The following ITGA4 variants were observed in gnomAD, a reference collection of about 807,000 sequenced individuals.
The protein encoded by ITGA4 is integrin alpha-4.
A neutral mutation model predicts 133.6 loss-of-function variants in ITGA4; 63 were observed. That is an observed-to-expected ratio of 0.47 (90% CI 0.38 to 0.58). The LOEUF (loss-of-function observed/expected upper bound fraction) is 0.58, where lower values mean the gene tolerates loss of function less well. ITGA4 is among the 20% of genes least tolerant of loss of function. The probability of loss-of-function intolerance (pLI) is 0.00; values close to 1 mark genes in which losing one functional copy is unlikely to be tolerated. For missense variants in ITGA4, 1,076 were observed against 1,252.7 expected (o/e 0.86, Z 2.13); for synonymous variants, 483 against 438.0 (o/e 1.10, Z -1.28).
intron 2 of ITGA4, among the ~76,000 whole-genome samples, chr2:181,472,455 C>A (rs1685578077): frequency 6.6e-6 from 1 of 152,144 alleles, no homozygotes; most frequent in Admixed American, 6.5e-5. Context: ...GACCCCCATC[C>A]TCTCCTGTCC....
In ITGA4 at chr2:181,487,090, A is replaced by AT. The variant is rs541857200; in HGVS notation, c.1153+1104dup. On this transcript the variant is annotated intron_variant, in intron 10 of 27. Coordinates refer to ENST00000397033, the MANE Select transcript of ITGA4 (RefSeq NM_000885.6). ...TGTTATACAAGTATTACTGTTCTGGATTTTTTGTTTACTATTTTAAAACTG... is the reference window on the plus strand; with the variant it reads ...TGTTATACAAGTATTACTGTTCTGGATTTTTTTGTTTACTATTTTAAAACTG... Among the ~76,000 whole-genome samples the AT allele has an allele frequency of 8.5e-5, 13 of 152,234 alleles. No individual in the cohort carries two copies. The South Asian group carries it at 2.7e-3, about 32-fold the overall frequency.
At chr2:181,522,535 T>A (rs1276787222) in intron 18 of ITGA4, among the ~76,000 whole-genome samples, 194 bp downstream of exon 18, 2 of 152,196 alleles carry the variant, frequency 1.3e-5, no homozygotes, top group African/African-American at 4.8e-5. Flanking sequence ...GGCATCAGCC[T>A]CCTGTTTTCC....
At position 181,538,746 on chromosome 2, in the gene ITGA4, T is replaced by A. The variant is rs1007905697; in HGVS notation, c.*3219T>A. On this transcript the variant is annotated 3_prime_UTR_variant, in exon 28 of 28. Transcript: ENST00000397033. The stretch of plus-strand genomic sequence containing the variant: ...GAAGGATAAAAATCTAACACTTTAC[T>A]ATTCAGATGGCTCCACTAAAAGATT... 6.6e-6 allele frequency among the ~76,000 whole-genome samples: 1 copy of A among 152,186 alleles called. No homozygotes were observed. Among genetic ancestry groups the A allele is most frequent in the African/African-American group, 2.4e-5 (1 of 41,458 alleles).
chr2:181,524,384 A>G, intron 20 of ITGA4, 134 bp downstream of exon 20: 1 of 541,156 alleles, frequency 1.8e-6, no homozygotes, highest in Non-Finnish European at 3.2e-6. Flanking sequence ...CTTTTAAAAG[A>G]ACCAAACAAC....
chr2:181,507,222 G>C (rs1433043132), intron 15 of ITGA4, among the ~76,000 whole-genome samples: 1 of 152,104 alleles, frequency 6.6e-6, no homozygotes, highest in Non-Finnish European at 1.5e-5. Flanking sequence ...TTGTTTCCGT[G>C]TAGGTGGGCT....
intron 23 of ITGA4, among the ~76,000 whole-genome samples, chr2:181,530,016 C>T (rs1274608711): frequency 2.6e-5 from 4 of 152,126 alleles, no homozygotes; most frequent in Non-Finnish European, 5.9e-5. Context: ...AGGATTATAG[C>T]CTTTTTTTAA....
intron 14 of ITGA4, 81 bp downstream of exon 14, chr2:181,496,018 G>C (rs143532955): frequency 5.0e-6 from 7 of 1,396,770 alleles, no homozygotes; most frequent in African/African-American, 2.9e-5. Context: ...AGCCCTCACC[G>C]GTTTTCACCA....
chr2:181,482,284 T>G, intron 7 of ITGA4, 76 bp from the exon 8 acceptor site: 2 of 1,384,872 alleles, frequency 1.4e-6, no homozygotes, highest in Non-Finnish European at 1.9e-6. Context: ...AATTCATGTT[T>G]TGATCAAACA....
chr2:181,516,343 C>T lies in ITGA4; in HGVS notation c.1922+4568C>T, dbSNP rs899315234. On this transcript the variant is annotated intron_variant, in intron 17 of 27. Coordinates refer to ENST00000397033, the MANE Select transcript of ITGA4 (RefSeq NM_000885.6). The surrounding 1 kb of genome is among the most constrained non-coding windows in gnomAD (Gnocchi z 4.0). ...GACTTAAACAATAAAGATATTATTT[C>T]GCATAATAAGCAGTCTTGAGGAAGG... 3.3e-5 allele frequency among the ~76,000 whole-genome samples: 5 copies of T among 152,008 alleles called. No individual in the cohort carries two copies. Among genetic ancestry groups the T allele is most frequent in the East Asian group, 1.9e-4 (1 of 5,178 alleles).
chr2:181,536,736 CTT>C lies in ITGA4; in HGVS notation c.*1211_*1212del, dbSNP rs1465560243. ...CTATATGAGGTTCTATTTTAAATGA[CTT>C]TCTGGATTTTAAAAAATTTCTTTAA... On this transcript the variant is annotated 3_prime_UTR_variant, in exon 28 of 28. Transcript: ENST00000397033. The C allele has an allele frequency of 8.2e-6, 2 of 244,830 alleles. No homozygotes were observed. The highest frequency in any genetic ancestry group is 1.1e-4 in the East Asian group (1 of 9,406). 15.2% of individuals were successfully genotyped at this position (244,830 alleles called of 1,614,324 possible). A position where few individuals can be genotyped will look rare whatever the true frequency, so the allele number is the denominator to read the frequency against.
At chr2:181,526,119 G>A (rs2105768009) in intron 21 of ITGA4, among the ~76,000 whole-genome samples, 1 of 152,314 alleles carries the variant, frequency 6.6e-6, no homozygotes, top group African/African-American at 2.4e-5. Flanking sequence ...TGAGTATCAA[G>A]TTTGAGATAA....
chr2:181,524,199 G>A lies in ITGA4; in HGVS notation c.2198G>A (p.Ser733Asn), dbSNP rs1489621463. The change falls in exon 20 of 28, where the codon AGC (serine) becomes AAC (asparagine). Residue 733 changes from serine to asparagine, a missense_variant. By Grantham distance (46) the Ser-to-Asn change is conservative. This residue lies in a region of ITGA4 where 365 missense variants were observed against 421.4 expected (regional missense o/e 0.87). Transcript: ENST00000397033. ...GATATTAGCTTTCTCCTGGATGTGA[G>A]CTCACTCAGCAGAGCGGAAGAGGAC... ...RIDISFLLDV[S>N]SLSRAEEDLS... 5 of 1,604,470 alleles carry A rather than the reference G, an allele frequency of 3.1e-6. No homozygotes were observed. The African/African-American group carries it at 6.7e-5, about 22-fold the overall frequency.
Position 181,530,799 on chromosome 2 carries a change from T to C in ITGA4, c.2664+150T>C, listed in dbSNP as rs188356913. ...TCTTGCGTGGAAGGAACAAGCATGG[T>C]TGGAAAGTTGAGATAGACCCAGGGT... On this transcript the variant is annotated intron_variant, in intron 24 of 27. Transcript: ENST00000397033. 3.9e-3 allele frequency: 2,709 copies of C among 698,360 alleles called. 13 individuals are homozygous for C. The highest frequency in any genetic ancestry group is 0.02 in the Middle Eastern group (74 of 3,774). The allele number at this position is 698,360 out of a possible 1,614,324, so 43.3% of individuals were successfully genotyped here.
intron 27 of ITGA4, 88 bp from the exon 28 acceptor site, chr2:181,535,344 T>G: frequency 1.0e-6 from 1 of 975,508 alleles, no homozygotes; most frequent in East Asian, 2.5e-5. Flanking sequence ...GAAATATTGG[T>G]GTTAACTGCT....
Position 181,536,564 on chromosome 2 carries a change from C to A in ITGA4, c.*1037C>A. 5.9e-6 allele frequency: 1 copy of A among 170,704 alleles called. No homozygotes were observed. Among genetic ancestry groups the A allele is most frequent in the Non-Finnish European group, 1.3e-5 (1 of 79,490 alleles). The allele number at this position is 170,704 out of a possible 1,614,324, so 10.6% of individuals were successfully genotyped here. The stretch of plus-strand genomic sequence containing the variant: ...TACCCTTTACAAGTATAAGTGTTAC[C>A]TTACATGGAAACGAAGAAACAAAAT... On this transcript the variant is annotated 3_prime_UTR_variant, in exon 28 of 28. Coordinates refer to ENST00000397033, the MANE Select transcript of ITGA4 (RefSeq NM_000885.6).
intron 17 of ITGA4, 150 bp from the exon 18 acceptor site, chr2:181,522,041 C>A: frequency 2.3e-6 from 1 of 432,062 alleles, no homozygotes; most frequent in Non-Finnish European, 4.0e-6. Context: ...TTTACATCTG[C>A]TTGCATAGGG....
intron 2 of ITGA4, among the ~76,000 whole-genome samples, chr2:181,474,175 C>T (rs553075390): frequency 6.6e-6 from 1 of 152,272 alleles, no homozygotes; most frequent in South Asian, 2.1e-4. Flanking sequence ...TTAATAGGAA[C>T]CCAGCTATAA....
rs200403982 is a variant in ITGA4, at chr2:181,475,098, G to A, written c.426+32G>A. 73 of 1,612,912 alleles carry A rather than the reference G, an allele frequency of 4.5e-5. 1 individual carries two copies. In the South Asian group the frequency reaches 5.9e-4, roughly 13 times the overall value. On this transcript the variant is annotated intron_variant, in intron 3 of 27. Transcript: ENST00000397033. ...ATTGGAACTGGTCCACAGATCCATC[G>A]TGAAATCAGCTATCCTGGGTGCAGC...
Position 181,516,850 on chromosome 2 carries a change from A to C in ITGA4, c.1922+5075A>C, listed in dbSNP as rs1302619417. On this transcript the variant is annotated intron_variant, in intron 17 of 27. Transcript: ENST00000397033. This position sits in a 1 kb window ranked among gnomAD's most constrained non-coding sequence, Gnocchi z 4.0. ...CCACCATGCTGTTAATTCCCGAAAG[A>C]GCTAGTGTGATGAAATTGTCCATTT... Among the ~76,000 whole-genome samples the C allele has an allele frequency of 2.6e-5, 4 of 152,074 alleles. No individual in the cohort carries two copies. Among genetic ancestry groups the C allele is most frequent in the African/African-American group, 9.7e-5 (4 of 41,414 alleles).
Sources: gnomAD v4.1 joint callset for allele counts (sites outside exome capture counted in the v4.1 genomes callset) on GRCh38, gnomAD v4.1.1 for gene constraint, gnomAD v4.1.1 regional missense constraint, Gnocchi (gnomAD v3.1) non-coding constraint, MANE v1.5 for transcripts, NCBI Gene and HGNC (gene_info 2026-07-23, HGNC 2026-07-21) for gene names.